Variants in DPYSL4 observed in about 807,000 individuals in gnomAD.
The protein encoded by DPYSL4 is dihydropyrimidinase-related protein 4.
In DPYSL4, 43 loss-of-function variants were observed where a neutral mutation model predicts 63.4. That is an observed-to-expected ratio of 0.68 (90% CI 0.53 to 0.88). The LOEUF (loss-of-function observed/expected upper bound fraction) is 0.88. DPYSL4 is among the 40% of genes least tolerant of loss of function. The pLI, the probability that DPYSL4 is intolerant of heterozygous loss-of-function variation, is 0.00. For missense variants in DPYSL4, 733 were observed against 819.5 expected (o/e 0.89, Z 1.29); for synonymous variants, 353 against 331.7 (o/e 1.06, Z -0.70).
rs141538489 is a variant in DPYSL4 at position 132,202,484 on chromosome 10, C to T, written c.1282-162C>T. 1.6e-4 allele frequency among the ~76,000 whole-genome samples: 24 copies of T among 152,340 alleles called. No homozygotes were observed. In the East Asian group the frequency reaches 4.6e-3, roughly 29 times the overall value. On this transcript the variant is annotated intron_variant, in intron 11 of 13. Transcript: ENST00000338492. ...CCGTAGGCCGAGGGGGGGCATTCCT[C>T]CCGAGTTCCAACCCCTCAGTTCCAG... is the stretch of plus-strand genomic sequence containing the variant.
chr10:132,196,854 TC>T lies in DPYSL4; in HGVS notation c.479-6del. On this transcript the variant is annotated splice_region_variant and splice_polypyrimidine_tract_variant and intron_variant, in intron 4 of 13. Transcript: ENST00000338492. ...GGCTGAGCCTCTGACCCCTGCCTCT[TC>T]TCCAGGTGTGAACTCCTTCCTGGTC... is the stretch of plus-strand genomic sequence containing the variant. The T allele has an allele frequency of 6.2e-7, 1 of 1,613,604 alleles. No homozygotes were observed. Among genetic ancestry groups the T allele is most frequent in the South Asian group, 1.1e-5 (1 of 91,074 alleles).
intron 6 of DPYSL4, among the ~76,000 whole-genome samples, chr10:132,197,532 C>T (rs969576610): frequency 2.0e-5 from 3 of 152,192 alleles, no homozygotes; most frequent in African/African-American, 4.8e-5. Flanking sequence ...CGTGCAGTGG[C>T]GCCGACCCCC....
intron 13 of DPYSL4, 55 bp downstream of exon 13, chr10:132,203,982 G>A: frequency 1.9e-6 from 3 of 1,551,090 alleles, no homozygotes; most frequent in Admixed American, 3.5e-5. Flanking sequence ...GAGCATCCAG[G>A]GCCTCAGGTA....
At position 132,200,514 on chromosome 10, in the gene DPYSL4, T is replaced by C. The variant is rs763886434; in HGVS notation, c.968+2T>C. 4 of 1,612,560 alleles carry C rather than the reference T, an allele frequency of 2.5e-6. No homozygotes were observed. ...CCACCTCACCTGCTTGCTGTCCAGG[T>C]AAGCAGCCTCTCCAGGTGGCCCCAG... On this transcript the variant is annotated splice_donor_variant, in intron 9 of 13. Transcript: ENST00000338492. LOFTEE classifies it high-confidence loss of function.
At position 132,190,874 on chromosome 10, in the gene DPYSL4, G is replaced by C. The variant is rs375677803; in HGVS notation, c.128+39G>C. The C allele has an allele frequency of 2.3e-5, 37 of 1,597,112 alleles. No individual in the cohort carries two copies. The African/African-American group carries it at 4.0e-4, about 17-fold the overall frequency. On this transcript the variant is annotated intron_variant, in intron 2 of 13. Coordinates refer to ENST00000338492, the MANE Select transcript of DPYSL4 (RefSeq NM_006426.3). ...GAAAATGAAAATACGTTCCCAGCTC[G>C]TGTGTACACGCTGGTCACGTGGTAT...
Position 132,192,662 on chromosome 10 carries a change from A to C in DPYSL4, c.133A>C (p.Ile45Leu), listed in dbSNP as rs568020384. ...TGAAATCTCTGCTGCTTTCAGACAA[A>C]TCGGAGAAAACCTCATCGTCCCTGG... ...VHVEDGLIKQ[I>L]GENLIVPGGI... Residue 45 changes from isoleucine (I) to leucine (L), a missense_variant, in exon 3 of 14, where the codon ATC (isoleucine) becomes CTC (leucine). Physicochemically the swap from Ile to Leu is conservative, Grantham distance 5. Coordinates refer to ENST00000338492, the MANE Select transcript of DPYSL4 (RefSeq NM_006426.3). 1 of 1,601,078 alleles carries C rather than the reference A, an allele frequency of 6.2e-7. No individual in the cohort carries two copies. Among genetic ancestry groups the C allele is most frequent in the Non-Finnish European group, 8.5e-7 (1 of 1,173,592 alleles).
chr10:132,192,211 A>T, intron 2 of DPYSL4: 1 of 648,638 alleles, frequency 1.5e-6, no homozygotes, highest in Non-Finnish European at 1.9e-6. Flanking sequence ...GCCTTTGGTG[A>T]GGGCAGAGGT....
intron 11 of DPYSL4, 127 bp from the exon 12 acceptor site, chr10:132,202,519 A>G: frequency 8.2e-7 from 1 of 1,219,828 alleles, no homozygotes; most frequent in East Asian, 2.5e-5. Context: ...GCATCTTGCT[A>G]GGGGCTCAGT....
chr10:132,189,287 C>T (rs549781094), intron 1 of DPYSL4, among the ~76,000 whole-genome samples: 5 of 152,306 alleles, frequency 3.3e-5, no homozygotes, highest in East Asian at 3.9e-4. Flanking sequence ...CCCGTGGGCG[C>T]GTCCTTCTCC....
chr10:132,190,940 C>G, intron 2 of DPYSL4, 105 bp downstream of exon 2: 1 of 1,155,072 alleles, frequency 8.7e-7, no homozygotes. Context: ...TGTGTACACG[C>G]TGGTCACGTG....
chr10:132,198,818 C>T (rs780347521), intron 7 of DPYSL4, 33 bp from the exon 8 acceptor site: 14 of 1,610,618 alleles, frequency 8.7e-6, no homozygotes, highest in African/African-American at 5.3e-5. Flanking sequence ...CCAGGGCCCT[C>T]GTGTGGCCTC....
Position 132,187,068 on chromosome 10 carries a change from C to T in DPYSL4, c.5C>T (p.Ser2Phe), listed in dbSNP as rs761415785. The T allele has an allele frequency of 2.2e-6, 3 of 1,390,318 alleles. No individual in the cohort carries two copies. Among genetic ancestry groups the T allele is most frequent in the Non-Finnish European group, 2.8e-6 (3 of 1,059,484 alleles). 86.1% of individuals were successfully genotyped at this position (1,390,318 alleles called of 1,614,324 possible). Residue 2 changes from serine to phenylalanine, a missense_variant, in exon 1 of 14, where the codon TCC becomes TTC. Physicochemically the swap from Ser to Phe is radical, Grantham distance 155. Coordinates refer to ENST00000338492, the MANE Select transcript of DPYSL4 (RefSeq NM_006426.3). M[S>F]FQGKKSIPRI... ...CCAGAGACCCCCAGGAGCAGGATGT[C>T]CTTCCAGGGCAAGAAAAGCATCCCC...
At chr10:132,195,744 G>A (rs143357180) in intron 4 of DPYSL4, among the ~76,000 whole-genome samples, 93 of 152,346 alleles carry the variant, frequency 6.1e-4, no homozygotes, top group African/African-American at 2.1e-3. Flanking sequence ...CCCTGCCCGG[G>A]GGCTGGTGGA....
intron 8 of DPYSL4, among the ~76,000 whole-genome samples, chr10:132,199,278 A>G (rs891230171): frequency 1.3e-5 from 2 of 152,128 alleles, no homozygotes; most frequent in Admixed American, 6.5e-5. Context: ...GGTCTCCAAG[A>G]GAGAATTCCA....
intron 9 of DPYSL4, 75 bp downstream of exon 9, chr10:132,200,587 C>T: frequency 1.3e-6 from 2 of 1,561,032 alleles, no homozygotes; most frequent in Non-Finnish European, 1.7e-6. Context: ...CCCGACACCC[C>T]AGGCCTCTCC....
At chr10:132,198,511 C>T (rs767493320) in intron 7 of DPYSL4, 28 bp downstream of exon 7, 17 of 1,578,096 alleles carry the variant, frequency 1.1e-5, no homozygotes, top group Non-Finnish European at 1.5e-5. Context: ...CACAGCACAC[C>T]CGAGCCAACT....
chr10:132,193,479 G>A (rs1236317147), intron 3 of DPYSL4, among the ~76,000 whole-genome samples: 1 of 152,218 alleles, frequency 6.6e-6, no homozygotes, highest in African/African-American at 2.4e-5. Context: ...GTGGGTGAGT[G>A]GAGTCCGCCT....
chr10:132,205,146 C>T lies in DPYSL4; in HGVS notation c.*216C>T, dbSNP rs549882209. On this transcript the variant is annotated 3_prime_UTR_variant, in exon 14 of 14. Transcript: ENST00000338492. ...AAGGGCTGAACCTGGGGAGATGTCA[C>T]TGCCAGGGTGAGGTGGAGCCACATG... 207 of 403,656 alleles carry T rather than the reference C, an allele frequency of 5.1e-4. No homozygotes were observed. Among genetic ancestry groups the T allele is most frequent in the Non-Finnish European group, 7.2e-4 (164 of 228,310 alleles). 25.0% of individuals were successfully genotyped at this position (403,656 alleles called of 1,614,324 possible).
intron 6 of DPYSL4, 78 bp from the exon 7 acceptor site, chr10:132,198,337 C>T (rs2061970820): frequency 1.4e-6 from 2 of 1,448,352 alleles, no homozygotes; most frequent in South Asian, 1.2e-5. Context: ...GGAATGGGGC[C>T]TCCCAGCCTT....
Sources: allele counts gnomAD v4.1 joint callset (sites outside exome capture counted in the v4.1 genomes callset), GRCh38; gene constraint gnomAD v4.1.1; transcripts MANE v1.5; gene names NCBI Gene and HGNC (gene_info 2026-07-23, HGNC 2026-07-21).